The following PCNX1 variants were observed in gnomAD, a reference collection of about 807,000 sequenced individuals.
PCNX1 encodes the protein pecanex 1.
Under a neutral mutation model 242.2 loss-of-function variants are expected in PCNX1, and 78 were observed. That is an observed-to-expected ratio of 0.32 (90% CI 0.27 to 0.39). PCNX1 has a LOEUF of 0.39. Ranked by LOEUF, PCNX1 falls within the 10% of genes least tolerant of loss-of-function variation. The pLI, the probability that PCNX1 is intolerant of heterozygous loss-of-function variation, is 1.00. For synonymous variants in PCNX1, 1,024 were observed against 1,032.9 expected, an observed-to-expected ratio of 0.99 and a Z score of 0.17; for missense variants, 2,581 against 2,856.5, an observed-to-expected ratio of 0.90 and a Z score of 2.20.
At chr14:71,105,551 GA>G in intron 33 of PCNX1, 111 bp downstream of exon 33, 2 of 798,340 alleles carry the variant, frequency 2.5e-6, no homozygotes, top group African/African-American at 3.5e-5. Flanking sequence ...TTCAGAAATA[GA>G]ATTTTTTTTT....
At chr14:70,917,390 T>C (rs2056192923) in intron 1 of PCNX1, among the ~76,000 whole-genome samples, 1 of 152,186 alleles carries the variant, frequency 6.6e-6, no homozygotes, top group African/African-American at 2.4e-5. Context: ...TAAGACTTGA[T>C]AGTCAAAATT....
intron 1 of PCNX1, among the ~76,000 whole-genome samples, chr14:70,938,595 T>G (rs183981836): frequency 9.9e-5 from 15 of 152,210 alleles, no homozygotes; most frequent in African/African-American, 3.6e-4. Flanking sequence ...ATTCTCTTTT[T>G]TGGTTGTGTC....
In PCNX1 at chr14:71,109,031, G is replaced by A; in HGVS notation, c.6729G>A (p.Val2243=). The part of the protein sequence containing the change: ...ANNSHSRKAE[V]IYRVQIVDPS... ...ATTCACACTCCAGAAAGGCAGAAGT[G>A]ATTTACAGAGTCCAAGTAAGTAAGC... is the stretch of plus-strand genomic sequence containing the variant. The change falls in exon 34 of 36, where the codon GTG becomes GTA. Residue 2243 remains valine (V), a synonymous_variant. Coordinates refer to ENST00000304743, the MANE Select transcript of PCNX1 (RefSeq NM_014982.3). The A allele has an allele frequency of 6.2e-7, 1 of 1,611,318 alleles. No homozygotes were observed. Among genetic ancestry groups the A allele is most frequent in the South Asian group, 1.1e-5 (1 of 90,754 alleles).
intron 1 of PCNX1, among the ~76,000 whole-genome samples, chr14:70,939,148 C>T (rs1287082876): frequency 2.0e-5 from 3 of 152,044 alleles, no homozygotes; most frequent in Admixed American, 1.3e-4. Context: ...CTGCTCTGAT[C>T]TTAGTTATTT....
chr14:70,922,308 A>G (rs908507577), intron 1 of PCNX1, among the ~76,000 whole-genome samples: 1 of 152,186 alleles, frequency 6.6e-6, no homozygotes, highest in Non-Finnish European at 1.5e-5. Context: ...ATGAATTTTT[A>G]AAAAATCTTT....
At chr14:70,991,230 A>C (rs370383444) in intron 7 of PCNX1, among the ~76,000 whole-genome samples, 337 of 124,114 alleles carry the variant, frequency 2.7e-3, no homozygotes, top group African/African-American at 9.9e-3. Flanking sequence ...TTTGAGACGG[A>C]GTCTCGCTCT....
chr14:71,033,257 T>A (rs2060440243), intron 16 of PCNX1, among the ~76,000 whole-genome samples, 172 bp from the exon 17 acceptor site: 1 of 152,166 alleles, frequency 6.6e-6, no homozygotes, highest in South Asian at 2.1e-4. Flanking sequence ...TTCTAACTCA[T>A]CAGAAAGTAA....
At chr14:70,925,222 C>T (rs1223103027) in intron 1 of PCNX1, among the ~76,000 whole-genome samples, 2 of 152,306 alleles carry the variant, frequency 1.3e-5, no homozygotes, top group East Asian at 3.9e-4. Context: ...CTCCGGACCT[C>T]AAGTGATCTG....
chr14:70,962,198 A>C (rs759163082), intron 2 of PCNX1, 28 bp from the exon 3 acceptor site: 2 of 1,278,416 alleles, frequency 1.6e-6, no homozygotes, highest in Non-Finnish European at 2.3e-6. Context: ...AATGACAGTT[A>C]CTCTTTTTCT....
At chr14:71,099,683 G>A (rs1316865964) in intron 30 of PCNX1, among the ~76,000 whole-genome samples, 1 of 152,148 alleles carries the variant, frequency 6.6e-6, no homozygotes, top group African/African-American at 2.4e-5. Flanking sequence ...GGGTATTGAA[G>A]TCCCGTACTA....
rs927241417 is a variant in PCNX1, at chr14:71,110,232, G to A, written c.*297G>A. 1 of 390,150 alleles carries A rather than the reference G, an allele frequency of 2.6e-6. No individual in the cohort carries two copies. Among genetic ancestry groups the A allele is most frequent in the Middle Eastern group, 8.1e-4 (1 of 1,240 alleles). The allele number at this position is 390,150 out of a possible 1,614,324, so 24.2% of individuals were successfully genotyped here. On this transcript the variant is annotated 3_prime_UTR_variant, in exon 36 of 36. Coordinates refer to ENST00000304743, the MANE Select transcript of PCNX1 (RefSeq NM_014982.3). The stretch of plus-strand genomic sequence containing the variant: ...TTAAAAAAAGTTTTTCCTATGCATT[G>A]CCTATGCTTTAAATCAACAAACTCT...
At chr14:71,003,878 T>G (rs534202456) in intron 8 of PCNX1, among the ~76,000 whole-genome samples, 1 of 152,340 alleles carries the variant, frequency 6.6e-6, no homozygotes. Flanking sequence ...TTCCTTATCC[T>G]TCTGATTTAA....
intron 6 of PCNX1, among the ~76,000 whole-genome samples, chr14:70,983,458 C>T (rs187152497): frequency 3.3e-5 from 5 of 152,144 alleles, no homozygotes; most frequent in Admixed American, 1.3e-4. Flanking sequence ...GTGCCCGCCA[C>T]GACACCCGGT....
intron 24 of PCNX1, among the ~76,000 whole-genome samples, chr14:71,055,066 A>G (rs2141219856): frequency 6.6e-6 from 1 of 152,346 alleles, no homozygotes; most frequent in South Asian, 2.1e-4. Context: ...ACTGCCTGAA[A>G]GAGCCTTAGG....
chr14:71,023,811 G>A (rs2060167835), intron 13 of PCNX1, among the ~76,000 whole-genome samples: 1 of 152,056 alleles, frequency 6.6e-6, no homozygotes. Context: ...TCTATTTAAA[G>A]TAGTTCAAAA....
intron 1 of PCNX1, among the ~76,000 whole-genome samples, chr14:70,926,388 CTG>C (rs1426613848): frequency 1.3e-5 from 2 of 152,180 alleles, no homozygotes; most frequent in Non-Finnish European, 2.9e-5. Flanking sequence ...CATTTACAGT[CTG>C]TGTATATCCT....
chr14:71,023,137 A>G, intron 12 of PCNX1, 63 bp from the exon 13 acceptor site: 1 of 1,194,274 alleles, frequency 8.4e-7, no homozygotes, highest in Non-Finnish European at 1.3e-6. Context: ...AGGCATTTTG[A>G]AAGTTGGTTG....
intron 2 of PCNX1, among the ~76,000 whole-genome samples, chr14:70,948,896 CAT>C: frequency 6.8e-6 from 1 of 146,418 alleles, no homozygotes; most frequent in African/African-American, 2.5e-5. Flanking sequence ...TATATACACA[CAT>C]ACGTGTATAT....
chr14:71,042,686 A>G (rs541640657), intron 19 of PCNX1, among the ~76,000 whole-genome samples: 24 of 151,942 alleles, frequency 1.6e-4, no homozygotes, highest in South Asian at 6.2e-4. Flanking sequence ...TGGACAGTCT[A>G]TATCTTTTAA....
Sources: gnomAD v4.1 joint callset for allele counts (sites outside exome capture counted in the v4.1 genomes callset) on GRCh38, gnomAD v4.1.1 for gene constraint, MANE v1.5 for transcripts, NCBI Gene and HGNC (gene_info 2026-07-23, HGNC 2026-07-21) for gene names.